Variants in SLC30A8 observed in about 807,000 individuals in gnomAD.
The protein encoded by SLC30A8 is proton-coupled zinc antiporter SLC30A8.
In SLC30A8, 27 loss-of-function variants were observed where a neutral mutation model predicts 36.9. The ratio of observed to expected loss-of-function variants is 0.73; its 90% CI spans 0.54 to 1.01. SLC30A8 has a LOEUF of 1.01. Ranked by LOEUF, SLC30A8 falls within the 50% of genes least tolerant of loss-of-function variation. The probability of loss-of-function intolerance (pLI) is 0.00; values close to 1 mark genes in which losing one functional copy is unlikely to be tolerated. For missense variants in SLC30A8, 439 were observed against 452.0 expected (o/e 0.97, Z 0.26); for synonymous variants, 164 against 172.4 (o/e 0.95, Z 0.38).
intron 1 of SLC30A8, among the ~76,000 whole-genome samples, chr8:117,000,117 ATTT>A (rs1815961493): frequency 1.3e-5 from 2 of 152,172 alleles, no homozygotes; most frequent in Admixed American, 6.5e-5. Context: ...TGGTTGCTCT[ATTT>A]TAAACGCTAT....
At position 117,157,765 on chromosome 8, in the gene SLC30A8, C is replaced by T. The variant is rs73317647; in HGVS notation, c.493C>T (p.Arg165Cys). The T allele has an allele frequency of 3.7e-4, 597 of 1,614,050 alleles. 1 individual carries two copies. The African/African-American group carries it at 6.5e-3, about 18-fold the overall frequency. The change falls in exon 4 of 8, where the codon CGC becomes TGC. Residue 165 changes from arginine to cysteine, a missense_variant. Coordinates refer to ENST00000456015, the MANE Select transcript of SLC30A8 (RefSeq NM_173851.3). ...CGTGCTAGTGTACCTGGCATGTGAGCGCCTGCTGTATCCTGATTACCAGAT... is the reference window on the plus strand; with the variant it reads ...CGTGCTAGTGTACCTGGCATGTGAGTGCCTGCTGTATCCTGATTACCAGAT... ...TGVLVYLACE[R>C]LLYPDYQIQA...
chr8:116,976,398 C>T (rs1032998733), intron 1 of SLC30A8, among the ~76,000 whole-genome samples: 1 of 152,102 alleles, frequency 6.6e-6, no homozygotes, highest in Non-Finnish European at 1.5e-5. Context: ...AACACCACTG[C>T]ATGGAACTGA....
chr8:117,117,034 C>T (rs1164546891), intron 2 of SLC30A8, among the ~76,000 whole-genome samples: 1 of 151,894 alleles, frequency 6.6e-6, no homozygotes, highest in African/African-American at 2.4e-5. Context: ...TCCAGAAATG[C>T]CTGAGACTAA....
intron 1 of SLC30A8, among the ~76,000 whole-genome samples, chr8:116,969,951 GA>G (rs539975674): frequency 6.6e-6 from 1 of 151,672 alleles, no homozygotes; most frequent in African/African-American, 2.4e-5. Context: ...ACTAAATATA[GA>G]AAAAAATTTC....
At chr8:117,028,556 T>C (rs1384821594) in intron 1 of SLC30A8, among the ~76,000 whole-genome samples, 8 of 151,688 alleles carry the variant, frequency 5.3e-5, no homozygotes, top group African/African-American at 1.9e-4. Flanking sequence ...CACAGTTTTT[T>C]TTTTTTTTAT....
Position 117,002,722 on chromosome 8 carries a change from A to G in SLC30A8, c.-265-36497A>G, listed in dbSNP as rs950620754. Among the ~76,000 whole-genome samples the G allele has an allele frequency of 4.6e-5, 7 of 152,200 alleles. No homozygotes were observed. In the East Asian group the frequency reaches 1.4e-3, roughly 29 times the overall value. ...CGGTTTCAAGCAATTCTCCTGCCTC[A>G]GCCTCCCAAGTAGCTGAAACTACAG... On this transcript the variant is annotated intron_variant, in intron 1 of 10. Transcript: ENST00000427715.
At chr8:117,058,141 A>G (rs1166986582) in intron 2 of SLC30A8, among the ~76,000 whole-genome samples, 2 of 152,116 alleles carry the variant, frequency 1.3e-5, no homozygotes, top group Non-Finnish European at 2.9e-5. Context: ...ATGATTAGTG[A>G]TGTTGAGGAC....
rs114938843 is a variant in SLC30A8, at chr8:117,143,790, C to G, written c.72-3164C>G. On this transcript the variant is annotated intron_variant, in intron 1 of 7. Transcript: ENST00000456015. ...AGTTCTTCAAGGAGCAGTCTCAGCTCAGAGTATATCCATATTTGTTAACCT... is the reference window on the plus strand; with the variant it reads ...AGTTCTTCAAGGAGCAGTCTCAGCTGAGAGTATATCCATATTTGTTAACCT... 5.2e-3 allele frequency among the ~76,000 whole-genome samples: 794 copies of G among 152,046 alleles called. 9 individuals are homozygous for G. The highest frequency in any genetic ancestry group is 0.018 in the African/African-American group (750 of 41,496).
intron 3 of SLC30A8, among the ~76,000 whole-genome samples, chr8:117,157,189 G>A (rs764921244): frequency 3.3e-5 from 5 of 152,084 alleles, no homozygotes; most frequent in Admixed American, 6.6e-5. Context: ...AATATGTTGC[G>A]TTGGCAAATA....
chr8:117,058,646 G>C (rs368584809), intron 2 of SLC30A8, among the ~76,000 whole-genome samples: 26 of 152,288 alleles, frequency 1.7e-4, no homozygotes, highest in African/African-American at 5.8e-4. Flanking sequence ...TATGGTCAGT[G>C]AGCCAAATCC....
intron 1 of SLC30A8, among the ~76,000 whole-genome samples, chr8:116,969,438 C>T (rs925969807): frequency 6.6e-6 from 1 of 152,170 alleles, no homozygotes; most frequent in Non-Finnish European, 1.5e-5. Flanking sequence ...ATCTGGAAAA[C>T]TGGGATAATA....
At chr8:117,062,974 T>C (rs1372772697) in intron 2 of SLC30A8, among the ~76,000 whole-genome samples, 1 of 152,214 alleles carries the variant, frequency 6.6e-6, no homozygotes, top group Non-Finnish European at 1.5e-5. Context: ...GCAGGACCTT[T>C]TGTATGTAAC....
intron 2 of SLC30A8, among the ~76,000 whole-genome samples, chr8:117,044,537 T>A (rs2130762010): frequency 6.6e-6 from 1 of 152,142 alleles, no homozygotes; most frequent in South Asian, 2.1e-4. Flanking sequence ...CCCCAGGGGG[T>A]CGACTGCTTC....
intron 2 of SLC30A8, among the ~76,000 whole-genome samples, chr8:117,118,724 A>C: frequency 6.6e-6 from 1 of 151,946 alleles, no homozygotes; most frequent in Non-Finnish European, 1.5e-5. Context: ...AAACACATCT[A>C]GTTCCTTTTC....
At chr8:116,970,629 T>G (rs1451860432) in intron 1 of SLC30A8, among the ~76,000 whole-genome samples, 1 of 152,188 alleles carries the variant, frequency 6.6e-6, no homozygotes, top group East Asian at 1.9e-4. Flanking sequence ...TTTTTTCAGC[T>G]TCATTTTAAT....
In SLC30A8 at chr8:117,171,071, G is replaced by C; in HGVS notation, c.867G>C (p.Glu289Asp). 6.2e-7 allele frequency: 1 copy of C among 1,611,478 alleles called. No individual in the cohort carries two copies. The highest frequency in any genetic ancestry group is 8.5e-7 in the Non-Finnish European group (1 of 1,178,812). Residue 289 changes from glutamate to aspartate, a missense_variant, in exon 7 of 8, where the codon GAG becomes GAC. Coordinates refer to ENST00000456015, the MANE Select transcript of SLC30A8 (RefSeq NM_173851.3). Reference protein sequence around the residue: ...PKSLNYSGVKELILAVDGVLS... With the variant: ...PKSLNYSGVKDLILAVDGVLS... ...GCCTGAATTACAGTGGTGTGAAAGA[G>C]CTTATTTTAGCAGTCGACGGGGTGC...
At chr8:116,983,537 C>A (rs570905899) in intron 1 of SLC30A8, among the ~76,000 whole-genome samples, 1 of 152,092 alleles carries the variant, frequency 6.6e-6, no homozygotes, top group Non-Finnish European at 1.5e-5. Context: ...GCATATGTCT[C>A]ATGTACTTTT....
intron 1 of SLC30A8, among the ~76,000 whole-genome samples, chr8:116,966,937 C>T (rs1814619423): frequency 6.6e-6 from 1 of 152,200 alleles, no homozygotes. Context: ...AAAAATCATT[C>T]TCTGATTCTT....
intron 2 of SLC30A8, among the ~76,000 whole-genome samples, chr8:117,051,012 G>C (rs544500340): frequency 2.4e-4 from 37 of 152,338 alleles, no homozygotes; most frequent in African/African-American, 8.7e-4. Context: ...TGGATGAAAG[G>C]TTCTGAGAAG....
Sources: allele counts gnomAD v4.1 joint callset (sites outside exome capture counted in the v4.1 genomes callset), GRCh38; gene constraint gnomAD v4.1.1; transcripts MANE v1.5; gene names NCBI Gene and HGNC (gene_info 2026-07-23, HGNC 2026-07-21).